MYO18B: variants seen among roughly 807,000 people sequenced by gnomAD.
MYO18B encodes unconventional myosin-XVIIIb.
In MYO18B, 204 loss-of-function variants were observed where a neutral mutation model predicts 273.0. The observed-to-expected ratio is 0.75, with a 90% CI of 0.67 to 0.84. MYO18B has a LOEUF of 0.84. MYO18B is among the 40% of genes least tolerant of loss of function. MYO18B has a pLI of 0.00. For synonymous variants in MYO18B, 1,330 were observed against 1,305.7 expected, an observed-to-expected ratio of 1.02 and a Z score of -0.40; for missense variants, 3,212 against 3,287.6, an observed-to-expected ratio of 0.98 and a Z score of 0.56.
At chr22:25,876,087 C>A (rs2091187970) in intron 23 of MYO18B, 102 bp from the exon 24 acceptor site, 2 of 1,174,638 alleles carry the variant, frequency 1.7e-6, no homozygotes, top group Non-Finnish European at 2.4e-6. Context: ...GGGAAATAAC[C>A]CCACTTCCTC....
At chr22:25,979,957 G>A (rs1304409095) in intron 39 of MYO18B, among the ~76,000 whole-genome samples, 2 of 152,128 alleles carry the variant, frequency 1.3e-5, no homozygotes, top group African/African-American at 4.8e-5. Flanking sequence ...TGAAGCTCCA[G>A]TCCCTGGCGC....
At chr22:25,999,155 C>T (rs1933655042) in intron 40 of MYO18B, among the ~76,000 whole-genome samples, 1 of 152,136 alleles carries the variant, frequency 6.6e-6, no homozygotes, top group Non-Finnish European at 1.5e-5. Context: ...GAAAGTTGCC[C>T]CAATCCATGC....
intron 14 of MYO18B, 28 bp from the exon 15 acceptor site, chr22:25,828,748 A>G (rs1208545519): frequency 1.3e-6 from 2 of 1,599,620 alleles, no homozygotes; most frequent in African/African-American, 1.3e-5. Flanking sequence ...GCCATCTCAG[A>G]CATTCCACCT....
intron 12 of MYO18B, among the ~76,000 whole-genome samples, chr22:25,816,781 A>G (rs2089032376): frequency 6.6e-6 from 1 of 152,178 alleles, no homozygotes; most frequent in South Asian, 2.1e-4. Context: ...ATTTGAACTG[A>G]GGCAGTCTGT....
intron 39 of MYO18B, among the ~76,000 whole-genome samples, chr22:25,967,090 T>C (rs1023680148): frequency 5.3e-5 from 8 of 152,226 alleles, no homozygotes; most frequent in African/African-American, 1.9e-4. Flanking sequence ...GCGCTGAGGC[T>C]CAAGATGGCA....
intron 18 of MYO18B, among the ~76,000 whole-genome samples, chr22:25,845,144 G>A (rs1477800140): frequency 6.6e-6 from 1 of 152,198 alleles, no homozygotes; most frequent in African/African-American, 2.4e-5. Flanking sequence ...AGTAGCAGAT[G>A]ACCTATTAGA....
chr22:25,843,632 C>A, intron 17 of MYO18B, 103 bp from the exon 18 acceptor site: 1 of 1,238,418 alleles, frequency 8.1e-7, no homozygotes, highest in Non-Finnish European at 1.1e-6. Context: ...CGTTAGCTAT[C>A]TGGAAACACG....
chr22:25,949,167 C>G (rs1384521692), intron 36 of MYO18B, among the ~76,000 whole-genome samples: 2 of 152,178 alleles, frequency 1.3e-5, no homozygotes, highest in Non-Finnish European at 2.9e-5. Context: ...GAGGAGCAGC[C>G]AGCATGCCAC....
At chr22:25,869,246 C>G (rs35815490) in intron 22 of MYO18B, among the ~76,000 whole-genome samples, 1 of 151,848 alleles carries the variant, frequency 6.6e-6, no homozygotes, top group Non-Finnish European at 1.5e-5. Context: ...GTCAGGAGTT[C>G]GAGACCAGCC....
At chr22:25,815,271 G>C (rs1486444598) in intron 12 of MYO18B, among the ~76,000 whole-genome samples, 4 of 152,180 alleles carry the variant, frequency 2.6e-5, no homozygotes. Context: ...TCTGGGCTTG[G>C]TCCTGGACTC....
intron 41 of MYO18B, among the ~76,000 whole-genome samples, chr22:26,004,511 C>T (rs1249020221): frequency 2.6e-5 from 4 of 152,186 alleles, no homozygotes; most frequent in African/African-American, 9.7e-5. Context: ...GTGACCTTGG[C>T]CAAGACCCAA....
At chr22:25,818,357 A>C (rs747346380) in intron 12 of MYO18B, among the ~76,000 whole-genome samples, 1 of 152,182 alleles carries the variant, frequency 6.6e-6, no homozygotes, top group Non-Finnish European at 1.5e-5. Context: ...CTGATGGTCT[A>C]CATGGATGGT....
Position 25,772,478 on chromosome 22 carries a change from C to T in MYO18B, c.1837C>T (p.Pro613Ser), listed in dbSNP as rs2086757675. 5 of 1,613,924 alleles carry T rather than the reference C, an allele frequency of 3.1e-6. No homozygotes were observed. The highest frequency in any genetic ancestry group is 4.2e-6 in the Non-Finnish European group (5 of 1,179,890). The change falls in exon 7 of 44, where the codon CCC (proline) becomes TCC (serine). Residue 613 changes from proline (P) to serine (S), a missense_variant. By Grantham distance (74) the Pro-to-Ser change is moderately conservative. Coordinates refer to ENST00000335473, the MANE Select transcript of MYO18B (RefSeq NM_032608.7). ...CTGPDLIVLQ[P>S]RGPSVPSAGK... ...AGGGCCTGATCTGATTGTCCTCCAG[C>T]CCCGGGGGCCCTCGGTGCCTTCTGC...
At chr22:25,876,590 A>G (rs2091206195) in intron 24 of MYO18B, among the ~76,000 whole-genome samples, 3 of 152,190 alleles carry the variant, frequency 2.0e-5, no homozygotes, top group African/African-American at 7.2e-5. Context: ...AACACTCACT[A>G]CTTAACCCAG....
At chr22:26,010,488 TCC>T (rs1374473457) in intron 42 of MYO18B, among the ~76,000 whole-genome samples, 3 of 152,146 alleles carry the variant, frequency 2.0e-5, no homozygotes, top group Non-Finnish European at 4.4e-5. Flanking sequence ...CTTTACTAGT[TCC>T]TGACTATGAG....
intron 7 of MYO18B, among the ~76,000 whole-genome samples, chr22:25,775,708 C>T (rs2145628678): frequency 6.6e-6 from 1 of 152,286 alleles, no homozygotes; most frequent in South Asian, 2.1e-4. Flanking sequence ...AGTCAGTCTT[C>T]CTTGTGGTCT....
In MYO18B at chr22:25,823,540, A is replaced by G. The variant is rs1422292697; in HGVS notation, c.2557A>G (p.Asn853Asp). The G allele has an allele frequency of 4.3e-6, 7 of 1,613,806 alleles. No homozygotes were observed. Among genetic ancestry groups the G allele is most frequent in the Non-Finnish European group, 5.9e-6 (7 of 1,179,868 alleles). Reference protein sequence around the residue: ...RKQFMRFEWANYAAEALGCEY... With the variant: ...RKQFMRFEWADYAAEALGCEY... ...GCAGTTCATGAGGTTTGAGTGGGCA[A>G]ACTACGCAGCTGAGGCCCTGGGCTG... is the stretch of plus-strand genomic sequence containing the variant. The change falls in exon 13 of 44, where the codon AAC becomes GAC. Residue 853 changes from asparagine to aspartate, a missense_variant. Asn to Asp is a conservative substitution (Grantham distance 23, BLOSUM62 1). Transcript: ENST00000335473.
intron 39 of MYO18B, among the ~76,000 whole-genome samples, chr22:25,970,147 A>T (rs1252199986): frequency 6.6e-6 from 1 of 152,044 alleles, no homozygotes; most frequent in Non-Finnish European, 1.5e-5. Context: ...GATCACCACC[A>T]TCATTATCAT....
At chr22:25,869,522 G>A (rs2090991836) in intron 22 of MYO18B, among the ~76,000 whole-genome samples, 1 of 150,782 alleles carries the variant, frequency 6.6e-6, no homozygotes, top group Admixed American at 6.6e-5. Context: ...AAACTGGAGA[G>A]GAACAGACCA....
Sources: gnomAD v4.1 joint callset for allele counts (sites outside exome capture counted in the v4.1 genomes callset) on GRCh38, gnomAD v4.1.1 for gene constraint, MANE v1.5 for transcripts, NCBI Gene and HGNC (gene_info 2026-07-23, HGNC 2026-07-21) for gene names.